The following ZFHX3 variants were observed in gnomAD, a reference collection of about 807,000 sequenced individuals.
ZFHX3 encodes zinc finger homeobox protein 3.
Under a neutral mutation model 279.1 loss-of-function variants are expected in ZFHX3, and 42 were observed. The ratio of observed to expected loss-of-function variants is 0.15; its 90% CI spans 0.12 to 0.19. The LOEUF (loss-of-function observed/expected upper bound fraction) is 0.19. ZFHX3 is among the 10% of genes least tolerant of loss of function. The probability of loss-of-function intolerance (pLI) is 1.00; values close to 1 mark genes in which losing one functional copy is unlikely to be tolerated. For synonymous variants in ZFHX3, 2,293 were observed against 1,957.8 expected (o/e 1.17, Z -4.52); for missense variants, 4,981 against 4,754.0 (o/e 1.05, Z -1.40).
chr16:73,860,689 T>C (rs1164388439), intron 1 of ZFHX3, among the ~76,000 whole-genome samples: 2 of 152,238 alleles, frequency 1.3e-5, no homozygotes, highest in African/African-American at 2.4e-5. Flanking sequence ...GCCTGTTTTA[T>C]ATTTCTCCCA....
At chr16:73,451,068 T>C (rs1332091588) in intron 3 of ZFHX3, among the ~76,000 whole-genome samples, 4 of 152,186 alleles carry the variant, frequency 2.6e-5, no homozygotes, top group Non-Finnish European at 5.9e-5. Flanking sequence ...TGTGTTCCAC[T>C]AAGTCATAAG....
intron 2 of ZFHX3, among the ~76,000 whole-genome samples, chr16:73,674,884 T>C: frequency 6.6e-6 from 1 of 152,164 alleles, no homozygotes; most frequent in Non-Finnish European, 1.5e-5. Context: ...ATATGTCACA[T>C]GTGAGACTTA....
chr16:73,660,985 T>C (rs2052777258), intron 2 of ZFHX3, among the ~76,000 whole-genome samples: 1 of 152,174 alleles, frequency 6.6e-6, no homozygotes. Flanking sequence ...CATACCCATA[T>C]CTACTCCAAT....
At chr16:73,296,296 G>C (rs1170459072) in intron 4 of ZFHX3, among the ~76,000 whole-genome samples, 1 of 152,172 alleles carries the variant, frequency 6.6e-6, no homozygotes, top group Non-Finnish European at 1.5e-5. Context: ...TAATGGGTAA[G>C]TGCAATGTTA....
At chr16:72,854,631 A>G (rs2037703437) in intron 4 of ZFHX3, among the ~76,000 whole-genome samples, 1 of 152,136 alleles carries the variant, frequency 6.6e-6, no homozygotes, top group Non-Finnish European at 1.5e-5. Flanking sequence ...CAAACCACAA[A>G]CTTTTTGCTT....
At chr16:72,845,705 C>T (rs1021383389) in intron 4 of ZFHX3, among the ~76,000 whole-genome samples, 3 of 152,208 alleles carry the variant, frequency 2.0e-5, no homozygotes, top group Non-Finnish European at 4.4e-5. Flanking sequence ...TTTCTCCTGC[C>T]TGTGTAGACC....
intron 1 of ZFHX3, among the ~76,000 whole-genome samples, chr16:73,785,833 A>C (rs1959625711): frequency 6.6e-6 from 1 of 151,528 alleles, no homozygotes; most frequent in Non-Finnish European, 1.5e-5. Flanking sequence ...TGCCATATTC[A>C]TTTGTTGCCT....
intron 2 of ZFHX3, among the ~76,000 whole-genome samples, chr16:73,618,376 C>G (rs770666213): frequency 7.2e-5 from 11 of 152,278 alleles, no homozygotes; most frequent in Non-Finnish European, 1.3e-4. Context: ...AAGAGCCAAG[C>G]ACTTGGCCAG....
chr16:73,697,278 G>A (rs1011250290), intron 1 of ZFHX3, among the ~76,000 whole-genome samples: 5 of 150,698 alleles, frequency 3.3e-5, no homozygotes, highest in Admixed American at 3.3e-4. Flanking sequence ...TGAGTGTCAC[G>A]ACACATATAA....
intron 1 of ZFHX3, among the ~76,000 whole-genome samples, chr16:73,002,400 G>A (rs1460812631): frequency 1.3e-5 from 2 of 152,198 alleles, no homozygotes; most frequent in Middle Eastern, 3.4e-3. Flanking sequence ...GATAGAGAAG[G>A]TAGATCAGAG....
chr16:73,328,499 T>C (rs1233167858), intron 3 of ZFHX3, among the ~76,000 whole-genome samples: 1 of 152,240 alleles, frequency 6.6e-6, no homozygotes, highest in East Asian at 1.9e-4. Context: ...GAGGCACGTT[T>C]AATTCTTATC....
intron 2 of ZFHX3, among the ~76,000 whole-genome samples, chr16:73,658,585 G>A (rs2052747300): frequency 6.6e-6 from 1 of 152,178 alleles, no homozygotes; most frequent in Non-Finnish European, 1.5e-5. Flanking sequence ...TTACAGGCAT[G>A]AGCCGCCGTG....
chr16:73,659,796 G>A (rs772952846), intron 2 of ZFHX3, among the ~76,000 whole-genome samples: 1 of 152,058 alleles, frequency 6.6e-6, no homozygotes, highest in African/African-American at 2.4e-5. Context: ...TATTGCATGC[G>A]GTTCCAAAAT....
intron 3 of ZFHX3, among the ~76,000 whole-genome samples, chr16:73,324,145 G>C (rs185087444): frequency 6.6e-6 from 1 of 152,332 alleles, no homozygotes; most frequent in East Asian, 1.9e-4. Flanking sequence ...TGGACCACAT[G>C]GAGAGGAATG....
rs1277123316 is a variant in ZFHX3 at position 73,576,973 on chromosome 16, T to C, written c.-1547+103207A>G. ...CAATCCATGGGATCTTTTAGTTAGATCTAGATTCTAATAAATTTGCTTTGG... is the reference window on the plus strand; with the variant it reads ...CAATCCATGGGATCTTTTAGTTAGACCTAGATTCTAATAAATTTGCTTTGG... On this transcript the variant is annotated intron_variant, in intron 2 of 17. Transcript: ENST00000641206. Among the ~76,000 whole-genome samples, 7 of 152,164 alleles carry C rather than the reference T, an allele frequency of 4.6e-5. No homozygotes were observed. The South Asian group carries it at 1.0e-3, about 23-fold the overall frequency.
intron 5 of ZFHX3, among the ~76,000 whole-genome samples, chr16:73,248,924 C>A (rs1297388825): frequency 1.3e-5 from 2 of 152,046 alleles, no homozygotes; most frequent in African/African-American, 4.8e-5. Context: ...AGTCTGTGGT[C>A]CAAATCTATT....
At chr16:73,397,438 C>T (rs1364960234) in intron 3 of ZFHX3, among the ~76,000 whole-genome samples, 1 of 151,800 alleles carries the variant, frequency 6.6e-6, no homozygotes, top group Non-Finnish European at 1.5e-5. Context: ...GATGTGAAGC[C>T]ACTAGGGTGT....
chr16:73,139,907 C>T (rs1474964842), intron 6 of ZFHX3, among the ~76,000 whole-genome samples: 1 of 152,208 alleles, frequency 6.6e-6, no homozygotes, highest in African/African-American at 2.4e-5. Context: ...ACTGCTGAGA[C>T]TAGCGTACTG....
At chr16:73,875,597 C>T (rs895069222) in intron 1 of ZFHX3, among the ~76,000 whole-genome samples, 12 of 151,922 alleles carry the variant, frequency 7.9e-5, no homozygotes, top group African/African-American at 2.9e-4. Flanking sequence ...TTGAAATATA[C>T]CCTGAGATTC....
Sources: gnomAD v4.1 joint callset for allele counts (sites outside exome capture counted in the v4.1 genomes callset) on GRCh38, gnomAD v4.1.1 for gene constraint, MANE v1.5 for transcripts, NCBI Gene and HGNC (gene_info 2026-07-23, HGNC 2026-07-21) for gene names.